PNPLA2: variants seen among roughly 807,000 people sequenced by gnomAD.
PNPLA2 encodes the protein patatin-like phospholipase domain-containing protein 2.
In PNPLA2, 28 loss-of-function variants were observed where a neutral mutation model predicts 39.7. The observed-to-expected ratio is 0.70, with a 90% CI of 0.52 to 0.97. The LOEUF is 0.97. Ranked by LOEUF, PNPLA2 falls within the 50% of genes least tolerant of loss-of-function variation. PNPLA2 has a pLI of 0.00. For missense variants in PNPLA2, 768 were observed against 698.2 expected (o/e 1.10, Z -1.13); for synonymous variants, 392 against 321.1 (o/e 1.22, Z -2.36).
Position 819,702 on chromosome 11 carries a change from C to T in PNPLA2, c.-17C>T, listed in dbSNP as rs1486147207. 1.4e-6 allele frequency: 2 copies of T among 1,478,476 alleles called. No individual in the cohort carries two copies. Among genetic ancestry groups the T allele is most frequent in the Admixed American group, 2.3e-5 (1 of 42,930 alleles). The allele number at this position is 1,478,476 out of a possible 1,614,324, so 91.6% of individuals were successfully genotyped here. ...CTGGCCGCCCACGGAACCCGGGGCC[C>T]GGCGGCCGCCGCCGCGATGTTTCCC... is the stretch of plus-strand genomic sequence containing the variant. On this transcript the variant is annotated 5_prime_UTR_variant, in exon 2 of 10. Transcript: ENST00000336615.
chr11:821,445 C>T lies in PNPLA2; in HGVS notation c.188-183C>T, dbSNP rs1176504864. Reference sequence around the variant, plus strand: ...AGGGCAGGTCCTGGTCTCAGCTGGCCAGCCTCTGCTGTCTGCCATCCCAGG... The same window carrying T: ...AGGGCAGGTCCTGGTCTCAGCTGGCTAGCCTCTGCTGTCTGCCATCCCAGG... On this transcript the variant is annotated intron_variant, in intron 2 of 9. Transcript: ENST00000336615. 29 of 634,372 alleles carry T rather than the reference C, an allele frequency of 4.6e-5. No individual in the cohort carries two copies. The East Asian group carries it at 7.9e-4, about 17-fold the overall frequency. The allele number at this position is 634,372 out of a possible 1,614,324, so 39.3% of individuals were successfully genotyped here. A position where few individuals can be genotyped will look rare whatever the true frequency, so the allele number is the denominator to read the frequency against.
At chr11:824,495 C>CGCT in intron 9 of PNPLA2, 28 bp from the exon 10 acceptor site, 1 of 1,544,684 alleles carries the variant, frequency 6.5e-7, no homozygotes, top group Non-Finnish European at 8.7e-7. Flanking sequence ...GGAGCTGAAG[C>CGCT]CCTCCCTGCC....
rs1306714271 is a variant in PNPLA2, at chr11:819,577, C to T, written c.-142C>T. 7.8e-7 allele frequency: 1 copy of T among 1,286,528 alleles called. No individual in the cohort carries two copies. Among genetic ancestry groups the T allele is most frequent in the Non-Finnish European group, 9.9e-7 (1 of 1,011,252 alleles). The allele number at this position is 1,286,528 out of a possible 1,614,324, so 79.7% of individuals were successfully genotyped here. ...CGCCTCCGCGCCGCCCGCGTAGCTTCTTCGCCTCCGCCAGCGGGGACCCCG... is the reference window on the plus strand; with the variant it reads ...CGCCTCCGCGCCGCCCGCGTAGCTTTTTCGCCTCCGCCAGCGGGGACCCCG... On this transcript the variant is annotated 5_prime_UTR_variant, in exon 2 of 10. Transcript: ENST00000336615.
chr11:821,601 G>A, intron 2 of PNPLA2, 27 bp from the exon 3 acceptor site: 2 of 1,536,570 alleles, frequency 1.3e-6, no homozygotes, highest in Non-Finnish European at 1.8e-6. Flanking sequence ...AGGAGCATGG[G>A]CCCCTAACCT....
rs1262777413 is a variant in PNPLA2 at position 824,852 on chromosome 11, T to A, written c.1505T>A (p.Leu502Gln). Residue 502 changes from leucine (L) to glutamine (Q), a missense_variant, in exon 10 of 10, where the codon CTG (leucine) becomes CAG (glutamine). Transcript: ENST00000336615. ...APEARPVIGA[L>Q]GL Reference sequence around the variant, plus strand: ...GAGGCCCGGCCCGTGATCGGGGCCCTGGGGCTGTGAGACCCCGACCCTCTC... The same window carrying A: ...GAGGCCCGGCCCGTGATCGGGGCCCAGGGGCTGTGAGACCCCGACCCTCTC... The A allele has an allele frequency of 2.0e-6, 3 of 1,534,292 alleles. No homozygotes were observed. The highest frequency in any genetic ancestry group is 2.6e-6 in the Non-Finnish European group (3 of 1,145,852).
chr11:825,099 C>G lies in PNPLA2; in HGVS notation c.*237C>G. On this transcript the variant is annotated 3_prime_UTR_variant, in exon 10 of 10. Coordinates refer to ENST00000336615, the MANE Select transcript of PNPLA2 (RefSeq NM_020376.4). ...TGCTGCCCGAGCACCTCCCCCGCCC[C>G]TTTACTCCTGAGAACTTTGCAGCTG... 1 of 582,374 alleles carries G rather than the reference C, an allele frequency of 1.7e-6. No homozygotes were observed. Among genetic ancestry groups the G allele is most frequent in the Non-Finnish European group, 3.0e-6 (1 of 328,004 alleles). 36.1% of individuals were successfully genotyped at this position (582,374 alleles called of 1,614,324 possible).
chr11:822,379 C>G lies in PNPLA2; in HGVS notation c.487-18C>G. 2 of 1,609,134 alleles carry G rather than the reference C, an allele frequency of 1.2e-6. No individual in the cohort carries two copies. The highest frequency in any genetic ancestry group is 8.5e-7 in the Non-Finnish European group (1 of 1,175,830). ...CACAGGCCCTCACATACGGTCCTGTCTGTGTGTCCCGTGGAAGCGCTACGT... is the reference window on the plus strand; with the variant it reads ...CACAGGCCCTCACATACGGTCCTGTGTGTGTGTCCCGTGGAAGCGCTACGT... On this transcript the variant is annotated intron_variant, in intron 4 of 9. Transcript: ENST00000336615.
At chr11:820,517 T>C (rs1374830801) in intron 2 of PNPLA2, among the ~76,000 whole-genome samples, 1 of 152,228 alleles carries the variant, frequency 6.6e-6, no homozygotes, top group Non-Finnish European at 1.5e-5. Flanking sequence ...AGGGTGCTTC[T>C]GGGCTCTGGT....
In PNPLA2 at chr11:819,890, A is replaced by G; in HGVS notation, c.172A>G (p.Thr58Ala). The change falls in exon 2 of 10, where the codon ACC becomes GCC. Residue 58 changes from threonine to alanine, a missense_variant. Transcript: ENST00000336615. ...AGALTATALV[T>A]GVCLGEAGAK... is the part of the protein sequence containing the mutation. ...GGCGCTCACGGCCACGGCGCTGGTC[A>G]CCGGGGTCTGCCTGGGTGAGCGGGG... The G allele has an allele frequency of 7.0e-7, 1 of 1,429,690 alleles. No individual in the cohort carries two copies. Among genetic ancestry groups the G allele is most frequent in the Non-Finnish European group, 9.2e-7 (1 of 1,091,614 alleles). 88.6% of individuals were successfully genotyped at this position (1,429,690 alleles called of 1,614,324 possible).
At position 823,716 on chromosome 11, in the gene PNPLA2, C is replaced by G; in HGVS notation, c.780C>G (p.Pro260=). ...CAGGCCTCCTGAACCGGCCCAACCCCTTGCTGGCGTTGCCCCCCGCCCGCC... is the reference window on the plus strand; with the variant it reads ...CAGGCCTCCTGAACCGGCCCAACCCGTTGCTGGCGTTGCCCCCCGCCCGCC... The part of the protein sequence containing the change: ...QRNGLLNRPN[P]LLALPPARPH... The change falls in exon 7 of 10, where the codon CCC becomes CCG. Residue 260 remains proline, a synonymous_variant. Coordinates refer to ENST00000336615, the MANE Select transcript of PNPLA2 (RefSeq NM_020376.4). 1.9e-6 allele frequency: 3 copies of G among 1,608,606 alleles called. No homozygotes were observed. The highest frequency in any genetic ancestry group is 2.5e-6 in the Non-Finnish European group (3 of 1,178,106).
rs751823578 is a variant in PNPLA2, at chr11:822,596, C to T, written c.686C>T (p.Pro229Leu). ...LYRLSKALFPPEPLVLREMCK... is the reference protein window; with the variant it reads ...LYRLSKALFPLEPLVLREMCK... The stretch of plus-strand genomic sequence containing the variant: ...CGCCTCTCCAAGGCCCTCTTCCCGC[C>T]GGAGCCCCTGGTGAGCTCTGCTCCG... Residue 229 changes from proline (P) to leucine (L), a missense_variant, in exon 5 of 10, where the codon CCG becomes CTG. Transcript: ENST00000336615. 1.1e-5 allele frequency: 18 copies of T among 1,613,230 alleles called. No homozygotes were observed. The East Asian group carries it at 1.6e-4, about 14-fold the overall frequency.
In PNPLA2 at chr11:822,418, T is replaced by A; in HGVS notation, c.508T>A (p.Ser170Thr). 6.2e-7 allele frequency: 1 copy of A among 1,613,956 alleles called. No individual in the cohort carries two copies. Among genetic ancestry groups the A allele is most frequent in the Non-Finnish European group, 8.5e-7 (1 of 1,180,014 alleles). The change falls in exon 5 of 10, where the codon TCA (serine) becomes ACA (threonine). Residue 170 changes from serine (S) to threonine (T), a missense_variant. By Grantham distance (58) the Ser-to-Thr change is moderately conservative. Transcript: ENST00000336615. Reference protein sequence around the residue: ...QGVRYVDGGISDNLPLYELKN... With the variant: ...QGVRYVDGGITDNLPLYELKN... Reference sequence around the variant, plus strand: ...GAAGCGCTACGTGGATGGTGGCATTTCAGACAACCTGCCACTCTATGAGCT... The same window carrying A: ...GAAGCGCTACGTGGATGGTGGCATTACAGACAACCTGCCACTCTATGAGCT...
In PNPLA2 at chr11:823,734, C is replaced by T. The variant is rs555166503; in HGVS notation, c.798C>T (p.Pro266=). ...CCAACCCCTTGCTGGCGTTGCCCCCCGCCCGCCCCCACGGCCCAGAGGACA... is the reference window on the plus strand; with the variant it reads ...CCAACCCCTTGCTGGCGTTGCCCCCTGCCCGCCCCCACGGCCCAGAGGACA... The part of the protein sequence containing the change: ...NRPNPLLALP[P]ARPHGPEDKD... Residue 266 remains proline, a synonymous_variant, in exon 7 of 10, where the codon CCC becomes CCT. Transcript: ENST00000336615. 8.7e-6 allele frequency: 14 copies of T among 1,606,502 alleles called. No individual in the cohort carries two copies. Among genetic ancestry groups the T allele is most frequent in the Non-Finnish European group, 1.2e-5 (14 of 1,176,658 alleles).
At position 822,670 on chromosome 11, in the gene PNPLA2, A is replaced by C. The variant is rs531650582; in HGVS notation, c.696+64A>C. On this transcript the variant is annotated intron_variant, in intron 5 of 9. Coordinates refer to ENST00000336615, the MANE Select transcript of PNPLA2 (RefSeq NM_020376.4). Reference sequence around the variant, plus strand: ...TCCTCACTGGGCACCAAGGGAGAACACTGATCCTTTGACTTCTGAGTGCCC... The same window carrying C: ...TCCTCACTGGGCACCAAGGGAGAACCCTGATCCTTTGACTTCTGAGTGCCC... The C allele has an allele frequency of 1.8e-5, 25 of 1,356,660 alleles. No homozygotes were observed. The South Asian group carries it at 2.4e-4, about 13-fold the overall frequency. 84.0% of individuals were successfully genotyped at this position (1,356,660 alleles called of 1,614,324 possible).
intron 1 of PNPLA2, 94 bp from the exon 2 acceptor site, chr11:819,480 G>T: frequency 8.1e-7 from 1 of 1,227,358 alleles, no homozygotes; most frequent in Non-Finnish European, 1.0e-6. Context: ...GGGCACGGCC[G>T]TTCCCTGCGC....
At chr11:821,277 C>T (rs1360904106) in intron 2 of PNPLA2, 1 of 394,816 alleles carries the variant, frequency 2.5e-6, no homozygotes, top group Non-Finnish European at 4.8e-6. Flanking sequence ...GGGTCTGCCC[C>T]ATCCCCGCAC....
At chr11:821,584 T>C (rs971360782) in intron 2 of PNPLA2, 44 bp from the exon 3 acceptor site, 4 of 1,428,162 alleles carry the variant, frequency 2.8e-6, no homozygotes, top group Admixed American at 3.4e-5. Context: ...TGGGTGTTGC[T>C]AAGCCCAGGA....
rs142588621 is a variant in PNPLA2 at position 824,777 on chromosome 11, C to T, written c.1430C>T (p.Pro477Leu). ...PAPAPADPAS[P>L]QHQLAGPAPL... Reference sequence around the variant, plus strand: ...CCCGCCCCCGCGGACCCAGCATCCCCGCAGCACCAGCTGGCCGGGCCTGCC... The same window carrying T: ...CCCGCCCCCGCGGACCCAGCATCCCTGCAGCACCAGCTGGCCGGGCCTGCC... The change falls in exon 10 of 10, where the codon CCG becomes CTG. Residue 477 changes from proline to leucine, a missense_variant. Transcript: ENST00000336615. The T allele has an allele frequency of 6.1e-4, 945 of 1,542,588 alleles. 12 individuals are homozygous for T. The South Asian group carries it at 6.4e-3, about 10-fold the overall frequency.
intron 3 of PNPLA2, 44 bp downstream of exon 3, chr11:821,904 G>T (rs762840707): frequency 1.2e-6 from 2 of 1,610,346 alleles, no homozygotes; most frequent in Non-Finnish European, 1.7e-6. Context: ...GGGGGGGGCA[G>T]TGGGAACCTC....
Sources: allele counts gnomAD v4.1 joint callset (sites outside exome capture counted in the v4.1 genomes callset), GRCh38; gene constraint gnomAD v4.1.1; transcripts MANE v1.5; gene names NCBI Gene and HGNC (gene_info 2026-07-23, HGNC 2026-07-21).